Variants in MCU observed in about 807,000 individuals in gnomAD.
The protein encoded by MCU is calcium uniporter protein, mitochondrial.
Under a neutral mutation model 45.2 loss-of-function variants are expected in MCU, and 12 were observed. The observed-to-expected ratio is 0.27, with a 90% CI of 0.17 to 0.43. The LOEUF (loss-of-function observed/expected upper bound fraction) is 0.43, where lower values mean the gene tolerates loss of function less well. Among genes scored for constraint, MCU ranks in the 20% least tolerant of loss-of-function variants. MCU has a pLI of 1.00. For missense variants in MCU, 324 were observed against 436.7 expected (o/e 0.74, Z 2.30); for synonymous variants, 160 against 165.1 (o/e 0.97, Z 0.24).
At chr10:72,869,602 A>AC (rs1301046131) in intron 5 of MCU, among the ~76,000 whole-genome samples, 3 of 152,306 alleles carry the variant, frequency 2.0e-5, no homozygotes, top group South Asian at 2.1e-4. Context: ...AAACAAACAA[A>AC]AAAACAACAA....
chr10:72,751,497 G>C (rs1328531857), intron 1 of MCU, among the ~76,000 whole-genome samples: 1 of 150,774 alleles, frequency 6.6e-6, no homozygotes, highest in African/African-American at 2.4e-5. Context: ...TGGGACTACA[G>C]GCATGCACCA....
intron 1 of MCU, among the ~76,000 whole-genome samples, chr10:72,701,811 G>A (rs775612567): frequency 1.3e-4 from 20 of 151,950 alleles, no homozygotes; most frequent in Non-Finnish European, 2.5e-4. Context: ...GATTACAGGC[G>A]TGATCCACCG....
At chr10:72,796,693 G>GTTTTTT (rs34029455) in intron 1 of MCU, among the ~76,000 whole-genome samples, 3 of 133,962 alleles carry the variant, frequency 2.2e-5, no homozygotes, top group Non-Finnish European at 1.6e-5. Flanking sequence ...TTTAGTTTTT[G>GTTTTTT]TTTTTTTTTT....
At chr10:72,808,690 A>G (rs1844492055) in intron 1 of MCU, among the ~76,000 whole-genome samples, 1 of 152,254 alleles carries the variant, frequency 6.6e-6, no homozygotes, top group South Asian at 2.1e-4. Context: ...TGCAGCCTGT[A>G]CAGGAAACAT....
At chr10:72,805,176 T>TTTC (rs2132790180) in intron 1 of MCU, among the ~76,000 whole-genome samples, 13 of 140,132 alleles carry the variant, frequency 9.3e-5, no homozygotes, top group African/African-American at 3.6e-4. Flanking sequence ...TCTCTCTCTC[T>TTTC]CTTTCCTTCC....
At chr10:72,748,148 A>G (rs1473604396) in intron 1 of MCU, among the ~76,000 whole-genome samples, 1 of 151,884 alleles carries the variant, frequency 6.6e-6, no homozygotes, top group Non-Finnish European at 1.5e-5. Context: ...CCCGGGTTCA[A>G]GTGATTCTCC....
intron 5 of MCU, among the ~76,000 whole-genome samples, chr10:72,870,722 A>G (rs776392862): frequency 4.6e-5 from 7 of 152,324 alleles, no homozygotes; most frequent in Non-Finnish European, 7.3e-5. Flanking sequence ...GTTAAAACTG[A>G]GAATAGATTA....
intron 1 of MCU, among the ~76,000 whole-genome samples, chr10:72,759,796 C>T (rs1260047176): frequency 6.6e-6 from 1 of 152,026 alleles, no homozygotes. Flanking sequence ...AGGGCTGGTG[C>T]CTGTTTAAGA....
At chr10:72,789,896 C>T (rs1260760758) in intron 1 of MCU, among the ~76,000 whole-genome samples, 1 of 150,386 alleles carries the variant, frequency 6.6e-6, no homozygotes, top group Admixed American at 6.6e-5. Context: ...TTAAATCACA[C>T]CATACAATAT....
intron 1 of MCU, among the ~76,000 whole-genome samples, chr10:72,697,426 A>ATTTTTT (rs1001610262): frequency 2.3e-4 from 15 of 64,132 alleles, no homozygotes; most frequent in Non-Finnish European, 3.8e-4. Context: ...CCAGACTTCT[A>ATTTTTT]TTTTTTTTTT....
chr10:72,860,580 ATAACT>A, intron 4 of MCU, 53 bp downstream of exon 4: 1 of 1,419,558 alleles, frequency 7.0e-7, no homozygotes, highest in Non-Finnish European at 9.9e-7. Flanking sequence ...GCTTTTGGAA[ATAACT>A]TTATTTTTTT....
chr10:72,752,348 G>A (rs946349775), intron 1 of MCU, among the ~76,000 whole-genome samples: 3 of 151,666 alleles, frequency 2.0e-5, no homozygotes, highest in Admixed American at 6.6e-5. Context: ...TGCCTGCCTC[G>A]GCCTCCCAGT....
chr10:72,860,535 A>C lies in MCU; in HGVS notation c.496+8A>C. The C allele has an allele frequency of 6.2e-7, 1 of 1,605,122 alleles. No homozygotes were observed. Among genetic ancestry groups the C allele is most frequent in the Non-Finnish European group, 8.5e-7 (1 of 1,172,434 alleles). ...TACGACCACCAAAAAGAGGTAAAAT[A>C]GTAACCTTGGTAAGGTCACAGAAAT... is the stretch of plus-strand genomic sequence containing the variant. On this transcript the variant is annotated splice_region_variant and intron_variant, in intron 4 of 7. Coordinates refer to ENST00000373053, the MANE Select transcript of MCU (RefSeq NM_138357.3).
At chr10:72,853,998 G>C (rs1248977100) in intron 2 of MCU, among the ~76,000 whole-genome samples, 1 of 152,108 alleles carries the variant, frequency 6.6e-6, no homozygotes. Flanking sequence ...GCTAAGTGTG[G>C]TGGTGTGTAC....
intron 1 of MCU, among the ~76,000 whole-genome samples, chr10:72,783,853 T>C (rs188809869): frequency 1.3e-5 from 2 of 152,306 alleles, no homozygotes; most frequent in East Asian, 3.9e-4. Context: ...ATGTTGCTTG[T>C]TTCTTTCTTT....
intron 1 of MCU, chr10:72,715,069 C>T (rs1842941925): frequency 6.3e-6 from 4 of 632,878 alleles, no homozygotes; most frequent in Admixed American, 6.3e-5. Context: ...TCAAGAGGGC[C>T]TTTACCTTTG....
At chr10:72,749,932 A>C (rs1204627794) in intron 1 of MCU, among the ~76,000 whole-genome samples, 9 of 150,720 alleles carry the variant, frequency 6.0e-5, no homozygotes, top group Non-Finnish European at 1.2e-4. Flanking sequence ...ATGTCCAGCT[A>C]ATTTTTGTAC....
intron 1 of MCU, among the ~76,000 whole-genome samples, chr10:72,731,669 A>C (rs1564541115): frequency 6.6e-6 from 1 of 151,838 alleles, no homozygotes; most frequent in Non-Finnish European, 1.5e-5. Context: ...ATTTCTATAG[A>C]TTTTCCTCTT....
chr10:72,754,282 C>G (rs1490736354), intron 1 of MCU, among the ~76,000 whole-genome samples: 1 of 152,170 alleles, frequency 6.6e-6, no homozygotes, highest in African/African-American at 2.4e-5. Context: ...CTGAGCCACC[C>G]TTACCCAAAG....
Sources: gnomAD v4.1 joint callset for allele counts (sites outside exome capture counted in the v4.1 genomes callset) on GRCh38, gnomAD v4.1.1 for gene constraint, MANE v1.5 for transcripts, NCBI Gene and HGNC (gene_info 2026-07-23, HGNC 2026-07-21) for gene names.